Variants in MYO19 observed in about 807,000 individuals in gnomAD.
The protein encoded by MYO19 is myosin XIX, also known as unconventional myosin-XIX.
Under a neutral mutation model 129.2 loss-of-function variants are expected in MYO19, and 132 were observed. That is an observed-to-expected ratio of 1.02 (90% CI 0.89 to 1.18). MYO19 has a LOEUF of 1.18. Ranked by LOEUF, MYO19 falls within the 50% of genes most tolerant of loss-of-function variation. The pLI is 0.00. For missense variants in MYO19, 1,210 were observed against 1,216.7 expected, an observed-to-expected ratio of 0.99 and a Z score of 0.08; for synonymous variants, 531 against 477.2, an observed-to-expected ratio of 1.11 and a Z score of -1.47.
At chr17:36,527,733 C>G in intron 4 of MYO19, 34 bp from the exon 5 acceptor site, 2 of 1,590,284 alleles carry the variant, frequency 1.3e-6, no homozygotes, top group Non-Finnish European at 1.7e-6. Context: ...AACTCGGGCT[C>G]AAATATAGTC....
At chr17:36,505,643 TCCTC>T (rs1370515704) in intron 18 of MYO19, among the ~76,000 whole-genome samples, 1 of 152,126 alleles carries the variant, frequency 6.6e-6, no homozygotes, top group Non-Finnish European at 1.5e-5. Flanking sequence ...AAACCTGTGA[TCCTC>T]CCTGACTGTT....
intron 6 of MYO19, among the ~76,000 whole-genome samples, chr17:36,519,848 A>C (rs780896681): frequency 1.3e-5 from 2 of 152,172 alleles, no homozygotes; most frequent in African/African-American, 2.4e-5. Context: ...TGCTGATAAC[A>C]GAATTCTAAG....
At chr17:36,521,547 T>C (rs1009730627) in intron 6 of MYO19, among the ~76,000 whole-genome samples, 1 of 152,122 alleles carries the variant, frequency 6.6e-6, no homozygotes, top group African/African-American at 2.4e-5. Context: ...AATTATTAGA[T>C]ATAACACAAA....
intron 2 of MYO19, among the ~76,000 whole-genome samples, chr17:36,540,332 T>G (rs1021222128): frequency 3.3e-5 from 5 of 150,782 alleles, no homozygotes; most frequent in Non-Finnish European, 5.9e-5. Flanking sequence ...ATTACAGGCG[T>G]CGTGATCCTG....
intron 8 of MYO19, 67 bp downstream of exon 8, chr17:36,515,046 C>G: frequency 6.8e-7 from 1 of 1,477,718 alleles, no homozygotes; most frequent in Non-Finnish European, 9.2e-7. Flanking sequence ...AGGCCAGATA[C>G]TGCCCCAGCC....
chr17:36,507,148 T>C lies in MYO19; in HGVS notation c.1468-9A>G, dbSNP rs756386896. 2.5e-6 allele frequency: 4 copies of C among 1,597,064 alleles called. No individual in the cohort carries two copies. In the East Asian group the frequency reaches 6.7e-5, roughly 27 times the overall value. ...CGATTGAGGCGGCATTCCTGTGGGA[T>C]GGGAACAGGGGGTCAGCCACCAACA... is the stretch of plus-strand genomic sequence containing the variant. On this transcript the variant is annotated splice_polypyrimidine_tract_variant and intron_variant, in intron 16 of 25. Coordinates refer to ENST00000614623, the MANE Select transcript of MYO19 (RefSeq NM_001163735.2).
intron 20 of MYO19, 66 bp downstream of exon 20, chr17:36,503,883 GC>G: frequency 1.5e-6 from 2 of 1,327,482 alleles, no homozygotes. Context: ...GCAGGCTCTT[GC>G]CCAATGAGAG....
intron 12 of MYO19, 95 bp from the exon 13 acceptor site, chr17:36,511,012 C>A: frequency 7.3e-7 from 1 of 1,369,014 alleles, no homozygotes; most frequent in Non-Finnish European, 9.9e-7. Context: ...ATGACTTGCC[C>A]AACTGGACAG....
chr17:36,502,024 G>A (rs1305904235), intron 21 of MYO19: 1 of 153,064 alleles, frequency 6.5e-6, no homozygotes, highest in African/African-American at 2.4e-5. Context: ...AGGAGAAAGG[G>A]TGAAAGGAAA....
In MYO19 at chr17:36,539,947, T is replaced by C. The variant is rs533882456; in HGVS notation, n.395+2134A>G. 3.3e-5 allele frequency among the ~76,000 whole-genome samples: 5 copies of C among 151,938 alleles called. No individual in the cohort carries two copies. The South Asian group carries it at 1.0e-3, about 32-fold the overall frequency. On this transcript the variant is annotated intron_variant and non_coding_transcript_variant, in intron 2 of 2. Transcript: ENST00000610496. ...TGGGATGAGGAGTTATAAAGTCTTA[T>C]GTGTCTGGGGGCTGGGGGGCAAATG...
rs756330820 is a variant in MYO19 at position 36,525,324 on chromosome 17, C to G, written c.318G>C (p.Val106=). 1 of 1,613,076 alleles carries G rather than the reference C, an allele frequency of 6.2e-7. No homozygotes were observed. The highest frequency in any genetic ancestry group is 1.1e-5 in the South Asian group (1 of 90,994). Residue 106 remains valine, a synonymous_variant, in exon 6 of 26, where the codon GTG becomes GTC. Coordinates refer to ENST00000614623, the MANE Select transcript of MYO19 (RefSeq NM_001163735.2). ...APQPQKLKPH[V]FTVGEQTYRN... ...TGTAGGTCTGTTCACCCACAGTGAA[C>G]ACATGGGGCTTCAGTTTCTGGAACA...
chr17:36,537,055 G>T, upstream of MYO19: 1 of 1,502,248 alleles, frequency 6.7e-7, no homozygotes, highest in African/African-American at 1.4e-5. Flanking sequence ...CAAGAATGCT[G>T]CTTTTCACAA....
intron 8 of MYO19, 142 bp downstream of exon 8, chr17:36,514,971 A>C (rs1310073359): frequency 1.5e-6 from 1 of 668,138 alleles, no homozygotes; most frequent in Non-Finnish European, 2.5e-6. Flanking sequence ...TCACCCTCAG[A>C]GCTCACACCT....
chr17:36,517,098 T>G (rs754195522), intron 6 of MYO19, among the ~76,000 whole-genome samples: 3 of 152,226 alleles, frequency 2.0e-5, no homozygotes, highest in Non-Finnish European at 4.4e-5. Context: ...CTCAAAATAT[T>G]TCTCCATTTC....
rs116081329 is a variant in MYO19 at position 36,507,477 on chromosome 17, G to A, written c.1389C>T (p.Phe463=). ...AGGGCTGGTTGTCCTGGTAGTTGAT[G>A]AATGACCACTCCAGGCCCTCAACTG... ...EYAVEGLEWS[F]INYQDNQPCL... is the part of the protein sequence containing the mutation. The change falls in exon 16 of 26, where the codon TTC becomes TTT. Residue 463 remains phenylalanine (F), a synonymous_variant. Coordinates refer to ENST00000614623, the MANE Select transcript of MYO19 (RefSeq NM_001163735.2). The A allele has an allele frequency of 6.8e-6, 11 of 1,613,754 alleles. No individual in the cohort carries two copies. Among genetic ancestry groups the A allele is most frequent in the Middle Eastern group, 1.7e-4 (1 of 6,000 alleles).
chr17:36,515,237 A>T, intron 7 of MYO19, 55 bp from the exon 8 acceptor site: 5 of 1,531,140 alleles, frequency 3.3e-6, no homozygotes, highest in Non-Finnish European at 4.5e-6. Context: ...AGTCCTCATA[A>T]GCCAAGGTGG....
rs749063181 is a variant in MYO19, at chr17:36,514,455, G to A, written c.711C>T (p.Ile237=). 4 of 1,610,478 alleles carry A rather than the reference G, an allele frequency of 2.5e-6. No individual in the cohort carries two copies. The Admixed American group carries it at 6.7e-5, about 27-fold the overall frequency. The part of the protein sequence containing the change: ...CQASSERNFH[I]FYQICKGASE... ...CCCATTTGGCACAAACCTGATAGAA[G>A]ATGTGGAAGTTCCTCTCACTGGAAG... Residue 237 remains isoleucine (I), a synonymous_variant, in exon 9 of 26, where the codon ATC becomes ATT. Coordinates refer to ENST00000614623, the MANE Select transcript of MYO19 (RefSeq NM_001163735.2).
chr17:36,537,389 A>G, upstream of MYO19: 1 of 1,614,006 alleles, frequency 6.2e-7, no homozygotes, highest in East Asian at 2.2e-5. Flanking sequence ...TGTTGTATCA[A>G]ATATACCGAA....
chr17:36,513,693 G>C lies in MYO19; in HGVS notation c.753C>G (p.Leu251=), dbSNP rs1225826760. The C allele has an allele frequency of 5.6e-6, 9 of 1,613,872 alleles. No homozygotes were observed. The highest frequency in any genetic ancestry group is 7.6e-6 in the Non-Finnish European group (9 of 1,179,856). ...ICKGASEDER[L]QWHLPEGAAF... is the part of the protein sequence containing the mutation. ...CAGCTCCCTCAGGAAGGTGCCACTGGAGCCTCTCGTCCTCACTGGCTCCTT... is the reference window on the plus strand; with the variant it reads ...CAGCTCCCTCAGGAAGGTGCCACTGCAGCCTCTCGTCCTCACTGGCTCCTT... Residue 251 remains leucine (L), a synonymous_variant, in exon 10 of 26, where the codon CTC becomes CTG. Coordinates refer to ENST00000614623, the MANE Select transcript of MYO19 (RefSeq NM_001163735.2).
Sources: gnomAD v4.1 joint callset for allele counts (sites outside exome capture counted in the v4.1 genomes callset) on GRCh38, gnomAD v4.1.1 for gene constraint, MANE v1.5 for transcripts, NCBI Gene and HGNC (gene_info 2026-07-23, HGNC 2026-07-21) for gene names.